Variants in SUPT6H observed in about 807,000 individuals in gnomAD.
SUPT6H encodes SPT6 homolog, histone chaperone and transcription elongation factor, also known as transcription elongation factor SPT6.
SUPT6H carries 11 observed loss-of-function variants against 222.3 expected under a neutral mutation model. The ratio of observed to expected loss-of-function variants is 0.05; its 90% confidence interval spans 0.03 to 0.08. The LOEUF (loss-of-function observed/expected upper bound fraction) is 0.08. SUPT6H is among the 10% of genes least tolerant of loss of function. SUPT6H has a pLI of 1.00. For missense variants in SUPT6H, 1,422 were observed against 2,216.0 expected (o/e 0.64, Z 7.19); for synonymous variants, 762 against 801.2 (o/e 0.95, Z 0.83).
intron 1 of SUPT6H, chr17:28,669,951 A>T (rs2151607326): frequency 6.6e-6 from 1 of 152,372 alleles, no homozygotes. Context: ...AAGTAAATTA[A>T]GTAAGAATGA....
Position 28,692,355 on chromosome 17 carries a change from G to A in SUPT6H, c.3633+1292G>A, listed in dbSNP as rs566474733. 4.3e-4 allele frequency among the ~76,000 whole-genome samples: 63 copies of A among 145,710 alleles called. 2 individuals are homozygous for A. The highest frequency in any genetic ancestry group is 1.6e-3 in the African/African-American group (62 of 39,016). ...AAAAAAAGTGGGGAGGGGCCAGGCC[G>A]GGCACAGTGGCTCATGCCTGTAATC... On this transcript the variant is annotated intron_variant, in intron 27 of 36. Transcript: ENST00000314616.
chr17:28,700,802 A>T (rs1567707632), intron 35 of SUPT6H, 139 bp from the exon 36 acceptor site: 1 of 1,116,666 alleles, frequency 9.0e-7, no homozygotes, highest in Middle Eastern at 2.1e-4. Context: ...CAGGCTTCCC[A>T]CTGCTGGTCA....
At chr17:28,685,760 A>G (rs926349855) in intron 19 of SUPT6H, among the ~76,000 whole-genome samples, 1 of 152,240 alleles carries the variant, frequency 6.6e-6, no homozygotes, top group Non-Finnish European at 1.5e-5. Context: ...CTGGGATTAC[A>G]GGTGTGAGCC....
intron 13 of SUPT6H, among the ~76,000 whole-genome samples, chr17:28,682,513 G>A (rs550160635): frequency 7.9e-5 from 12 of 152,126 alleles, no homozygotes; most frequent in South Asian, 2.1e-4. Flanking sequence ...CCAGCTACTC[G>A]GGAAAGCTGA....
chr17:28,682,084 T>G, intron 13 of SUPT6H, 104 bp downstream of exon 13: 1 of 882,802 alleles, frequency 1.1e-6, no homozygotes, highest in Middle Eastern at 3.1e-4. Flanking sequence ...TCTGGGTCAA[T>G]CACCAATCCA....
chr17:28,682,577 C>T lies in SUPT6H; in HGVS notation c.1598-150C>T, dbSNP rs1015233333. ...TTAAGGCTTCAATGAGCCATGATCA[C>T]ACCACTGCACTTTAGCCTGGGCAAC... On this transcript the variant is annotated intron_variant, in intron 13 of 36. Transcript: ENST00000314616. 2.7e-6 allele frequency: 3 copies of T among 1,130,096 alleles called. No individual in the cohort carries two copies. In the African/African-American group the frequency reaches 4.6e-5, roughly 17 times the overall value. 70.0% of individuals were successfully genotyped at this position (1,130,096 alleles called of 1,614,324 possible).
chr17:28,700,509 C>T lies in SUPT6H; in HGVS notation c.4803C>T (p.Tyr1601=). 6 of 1,613,500 alleles carry T rather than the reference C, an allele frequency of 3.7e-6. No homozygotes were observed. The highest frequency in any genetic ancestry group is 1.3e-5 in the African/African-American group (1 of 75,050). The change falls in exon 35 of 37, where the codon TAC becomes TAT. Residue 1601 remains tyrosine (Y), a synonymous_variant. Transcript: ENST00000314616. ...YGGSGGGSSA[Y]HVFPTPAQQP... is the part of the protein sequence containing the mutation. ...GCAGTGGAGGCGGCAGCAGTGCTTA[C>T]CACGTATGTGGCTTGGGGAGGAAGC...
intron 29 of SUPT6H, among the ~76,000 whole-genome samples, chr17:28,695,957 G>T (rs536422453): frequency 6.6e-6 from 1 of 152,120 alleles, no homozygotes; most frequent in Non-Finnish European, 1.5e-5. Flanking sequence ...GAGCCCAGGA[G>T]TTCAAGACCA....
Position 28,678,150 on chromosome 17 carries a change from G to A in SUPT6H, c.1074G>A (p.Lys358=). The change falls in exon 9 of 37, where the codon AAG becomes AAA. Residue 358 remains lysine (K), a synonymous_variant. Transcript: ENST00000314616. ...GGAAAGGGCCCAGCACAATTCAGAA[G>A]ATCAAAGAGGCCCTGGGCTTCATGC... ...FSRKGPSTIQ[K]IKEALGFMRN... 6.2e-7 allele frequency: 1 copy of A among 1,608,756 alleles called. No individual in the cohort carries two copies.
rs984565691 is a variant in SUPT6H at position 28,700,113 on chromosome 17, G to A, written c.4562-60G>A. The A allele has an allele frequency of 4.3e-6, 7 of 1,611,508 alleles. No individual in the cohort carries two copies. In the African/African-American group the frequency reaches 9.4e-5, roughly 22 times the overall value. On this transcript the variant is annotated intron_variant, in intron 33 of 36. Coordinates refer to ENST00000314616, the MANE Select transcript of SUPT6H (RefSeq NM_003170.5). ...TACTTCAGTGCCCCTTCCACCCCCTGAATTGGGAAACCAAAAATAGGTTTC... is the reference window on the plus strand; with the variant it reads ...TACTTCAGTGCCCCTTCCACCCCCTAAATTGGGAAACCAAAAATAGGTTTC...
intron 1 of SUPT6H, chr17:28,670,023 CAT>C (rs2030322298): frequency 6.6e-6 from 1 of 152,222 alleles, no homozygotes; most frequent in Non-Finnish European, 1.5e-5. Context: ...GCTGTGTTCT[CAT>C]ATGTTTTTGC....
Position 28,702,553 on chromosome 17 carries a change from T to C in SUPT6H, c.*928T>C, listed in dbSNP as rs1213831711. 1 of 152,440 alleles carries C rather than the reference T, an allele frequency of 6.6e-6. No homozygotes were observed. Among genetic ancestry groups the C allele is most frequent in the African/African-American group, 2.4e-5 (1 of 41,454 alleles). 9.4% of individuals were successfully genotyped at this position (152,440 alleles called of 1,614,324 possible). On this transcript the variant is annotated 3_prime_UTR_variant, in exon 37 of 37. Transcript: ENST00000314616. ...GCTCCTTGGCCCAACGCCTGGTACG[T>C]CGCAAATGTTACCCGGTATTATTAC...
rs2030743910 is a variant in SUPT6H at position 28,676,332 on chromosome 17, A to G, written c.799A>G (p.Ser267Gly). 1 of 1,613,654 alleles carries G rather than the reference A, an allele frequency of 6.2e-7. No individual in the cohort carries two copies. The change falls in exon 7 of 37, where the codon AGC becomes GGC. Residue 267 changes from serine to glycine, a missense_variant. Transcript: ENST00000314616. ...KTTKKRVSRR[S>G]IFEMYEPSEL... ...CACCAAGAAGCGTGTGAGCCGTAGGAGCATCTTTGAAATGTATGAGCCCAG... is the reference window on the plus strand; with the variant it reads ...CACCAAGAAGCGTGTGAGCCGTAGGGGCATCTTTGAAATGTATGAGCCCAG...
chr17:28,701,356 G>T (rs924956431), intron 36 of SUPT6H, 83 bp from the exon 37 acceptor site: 11 of 1,535,344 alleles, frequency 7.2e-6, no homozygotes, highest in Non-Finnish European at 9.7e-6. Flanking sequence ...TAGGTATGAG[G>T]TTCCTTTCTG....
intron 2 of SUPT6H, among the ~76,000 whole-genome samples, chr17:28,673,958 G>A (rs1405710561): frequency 6.6e-6 from 1 of 152,142 alleles, no homozygotes; most frequent in Non-Finnish European, 1.5e-5. Flanking sequence ...GCAAAAAAAA[G>A]GAATATAGCT....
At chr17:28,682,020 G>C (rs2031137324) in intron 13 of SUPT6H, 40 bp downstream of exon 13, 1 of 1,520,830 alleles carries the variant, frequency 6.6e-7, no homozygotes, top group Non-Finnish European at 9.0e-7. Flanking sequence ...ATTCTAGCCT[G>C]AGCAAGGGGA....
In SUPT6H at chr17:28,692,328, A is replaced by T. The variant is rs2031701589; in HGVS notation, c.3633+1265A>T. On this transcript the variant is annotated intron_variant, in intron 27 of 36. Coordinates refer to ENST00000314616, the MANE Select transcript of SUPT6H (RefSeq NM_003170.5). Reference sequence around the variant, plus strand: ...GACAGCGAGACTCTGTCTCAAAAAAAAAAAAAAAGTGGGGAGGGGCCAGGC... The same window carrying T: ...GACAGCGAGACTCTGTCTCAAAAAATAAAAAAAAGTGGGGAGGGGCCAGGC... 2.1e-5 allele frequency among the ~76,000 whole-genome samples: 3 copies of T among 140,280 alleles called. 1 individual carries two copies. The highest frequency in any genetic ancestry group is 7.2e-5 in the Admixed American group (1 of 13,954). The allele number at this position is 140,280 out of a possible 152,430, so 92.0% of individuals were successfully genotyped here. A position where few individuals can be genotyped will look rare whatever the true frequency, so the allele number is the denominator to read the frequency against.
At chr17:28,678,488 AG>A in intron 9 of SUPT6H, 56 bp from the exon 10 acceptor site, 1 of 1,526,600 alleles carries the variant, frequency 6.6e-7, no homozygotes, top group Non-Finnish European at 9.1e-7. Context: ...CTACTGACAG[AG>A]GGGATCTTAG....
At chr17:28,696,314 T>A (rs1188826643) in intron 29 of SUPT6H, among the ~76,000 whole-genome samples, 130 of 110,560 alleles carry the variant, frequency 1.2e-3, no homozygotes, top group African/African-American at 3.9e-3. Flanking sequence ...AAAAAAAAAA[T>A]GGCCAGGCGC....
Sources: gnomAD v4.1 joint callset for allele counts (sites outside exome capture counted in the v4.1 genomes callset) on GRCh38, gnomAD v4.1.1 for gene constraint, MANE v1.5 for transcripts, NCBI Gene and HGNC (gene_info 2026-07-23, HGNC 2026-07-21) for gene names.